Variants in SESTD1 observed in about 807,000 individuals in gnomAD.
The protein encoded by SESTD1 is SEC14 domain and spectrin repeat-containing protein 1.
SESTD1 carries 43 observed loss-of-function variants against 101.7 expected under a neutral mutation model. The observed-to-expected ratio is 0.42, with a 90% CI of 0.33 to 0.55. The LOEUF (loss-of-function observed/expected upper bound fraction) is 0.55, where lower values mean the gene tolerates loss of function less well. Among genes scored for constraint, SESTD1 ranks in the 20% least tolerant of loss-of-function variants. The probability of loss-of-function intolerance (pLI) is 0.07; values close to 1 mark genes in which losing one functional copy is unlikely to be tolerated. For synonymous variants in SESTD1, 283 were observed against 286.8 expected, an observed-to-expected ratio of 0.99 and a Z score of 0.13; for missense variants, 647 against 815.1, an observed-to-expected ratio of 0.79 and a Z score of 2.51.
intron 5 of SESTD1, among the ~76,000 whole-genome samples, chr2:179,152,720 T>C (rs1233828707): frequency 2.6e-5 from 4 of 152,180 alleles, no homozygotes; most frequent in East Asian, 1.9e-4. Flanking sequence ...GAAAAATTCA[T>C]AGAACTATGA....
Position 179,206,482 on chromosome 2 carries a change from TG to T in SESTD1, c.-25-14617del, listed in dbSNP as rs1249057348. ...GAAATATAAAAGGAGAAGCAGCAGC[TG>T]GAAGAGCCCTGTAGGCACTCCTGGT... On this transcript the variant is annotated intron_variant, in intron 1 of 17. Coordinates refer to ENST00000428443, the MANE Select transcript of SESTD1 (RefSeq NM_178123.5). Among the ~76,000 whole-genome samples, 2 of 135,476 alleles carry T rather than the reference TG, an allele frequency of 1.5e-5. 1 individual carries two copies. The highest frequency in any genetic ancestry group is 5.8e-5 in the African/African-American group (2 of 34,288). The allele number at this position is 135,476 out of a possible 152,430, so 88.9% of individuals were successfully genotyped here.
intron 3 of SESTD1, among the ~76,000 whole-genome samples, chr2:179,178,633 G>A (rs1222325215): frequency 6.6e-6 from 1 of 152,074 alleles, no homozygotes; most frequent in Admixed American, 6.6e-5. Context: ...AGCTAGGCAG[G>A]GTAGCTGGCT....
At chr2:179,175,157 A>G (rs1303338048) in intron 4 of SESTD1, among the ~76,000 whole-genome samples, 1 of 152,126 alleles carries the variant, frequency 6.6e-6, no homozygotes, top group Non-Finnish European at 1.5e-5. Context: ...AAAATCCTTG[A>G]GCCTCGTTGA....
chr2:179,128,643 C>T (rs900636439), intron 10 of SESTD1, among the ~76,000 whole-genome samples: 2 of 150,962 alleles, frequency 1.3e-5, no homozygotes, highest in African/African-American at 2.4e-5. Context: ...GCAGGAGAAT[C>T]GCTTGAACCT....
chr2:179,112,936 A>G, intron 16 of SESTD1, 91 bp from the exon 17 acceptor site: 1 of 1,452,964 alleles, frequency 6.9e-7, no homozygotes, highest in Non-Finnish European at 9.1e-7. Flanking sequence ...AAAAAGAGAG[A>G]AAAGAAAGAC....
intron 1 of SESTD1, among the ~76,000 whole-genome samples, chr2:179,261,787 G>A (rs1047682145): frequency 5.3e-5 from 8 of 152,056 alleles, no homozygotes; most frequent in Non-Finnish European, 1.0e-4. Context: ...ATGTAAAACA[G>A]TGCAGCAGCT....
chr2:179,242,466 C>T (rs2047168620), intron 1 of SESTD1, among the ~76,000 whole-genome samples: 1 of 150,154 alleles, frequency 6.7e-6, no homozygotes, highest in African/African-American at 2.4e-5. Flanking sequence ...AAAAACTATT[C>T]TAAAATTCAT....
At chr2:179,125,167 TC>T (rs1441004671) in intron 10 of SESTD1, among the ~76,000 whole-genome samples, 1 of 152,098 alleles carries the variant, frequency 6.6e-6, no homozygotes, top group Non-Finnish European at 1.5e-5. Context: ...TAAAAACGTG[TC>T]ATCATATACT....
chr2:179,179,949 C>T (rs1425669970), intron 3 of SESTD1, among the ~76,000 whole-genome samples: 2 of 152,154 alleles, frequency 1.3e-5, no homozygotes, highest in Admixed American at 6.6e-5. Flanking sequence ...CTTCAATGCT[C>T]GTTGATCAGA....
At chr2:179,166,157 G>A (rs138864573) in intron 5 of SESTD1, among the ~76,000 whole-genome samples, 21 of 152,232 alleles carry the variant, frequency 1.4e-4, no homozygotes, top group African/African-American at 5.1e-4. Flanking sequence ...CAGAACCCAT[G>A]GGAAGTATAG....
chr2:179,183,183 TTCC>T lies in SESTD1; in HGVS notation c.58_60del (p.Gly20del), dbSNP rs2105486646. 2 of 1,597,262 alleles carry T rather than the reference TTCC, an allele frequency of 1.3e-6. No individual in the cohort carries two copies. Among genetic ancestry groups the T allele is most frequent in the African/African-American group, 1.3e-5 (1 of 74,364 alleles). The stretch of plus-strand genomic sequence containing the variant: ...AAAATGAGGCCACTCCGTCTGTCTT[TTCC>T]TCCTATTAAAAAAGAGATTTAAATT... On this transcript the variant is annotated inframe_deletion and splice_region_variant, in exon 3 of 18. Transcript: ENST00000428443.
intron 9 of SESTD1, among the ~76,000 whole-genome samples, chr2:179,134,612 T>C (rs185975447): frequency 1.3e-5 from 2 of 152,248 alleles, no homozygotes; most frequent in East Asian, 3.9e-4. Context: ...TGTTTTTTTT[T>C]CTCTGTTTTA....
chr2:179,163,928 A>C (rs13404037), intron 5 of SESTD1, among the ~76,000 whole-genome samples: 16,934 of 152,182 alleles, frequency 0.11, 1,040 homozygotes, highest in South Asian at 0.24. Flanking sequence ...TGTAACTATA[A>C]TACTTATCCT....
intron 9 of SESTD1, among the ~76,000 whole-genome samples, chr2:179,135,901 G>C (rs1221325964): frequency 6.6e-6 from 1 of 152,204 alleles, no homozygotes; most frequent in Non-Finnish European, 1.5e-5. Flanking sequence ...TTTCAAAACT[G>C]TATTATCAGA....
intron 10 of SESTD1, among the ~76,000 whole-genome samples, chr2:179,131,149 G>T (rs1294024262): frequency 6.1e-5 from 9 of 148,140 alleles, no homozygotes; most frequent in African/African-American, 2.4e-4. Flanking sequence ...ACTGCTTTAG[G>T]GTATAGTAGT....
intron 1 of SESTD1, among the ~76,000 whole-genome samples, chr2:179,196,800 C>T (rs1466416852): frequency 1.8e-4 from 28 of 152,174 alleles, no homozygotes; most frequent in Admixed American, 1.8e-3. Context: ...CACCAAAAAC[C>T]CATCTGTACA....
intron 2 of SESTD1, among the ~76,000 whole-genome samples, chr2:179,187,411 G>C (rs1259749534): frequency 6.6e-6 from 1 of 152,176 alleles, no homozygotes; most frequent in Non-Finnish European, 1.5e-5. Flanking sequence ...GATCACTTGA[G>C]CCCAGGAGTT....
At chr2:179,253,656 T>C (rs768027899) in intron 1 of SESTD1, among the ~76,000 whole-genome samples, 1 of 152,208 alleles carries the variant, frequency 6.6e-6, no homozygotes, top group African/African-American at 2.4e-5. Flanking sequence ...GTATCGTTTG[T>C]ATAAAAAGGA....
At chr2:179,231,519 A>AT (rs201110781) in intron 1 of SESTD1, among the ~76,000 whole-genome samples, 4,142 of 151,868 alleles carry the variant, frequency 0.027, 75 homozygotes, top group Middle Eastern at 0.082. Context: ...AATATCCAAA[A>AT]AAAAAGAAAT....
Sources: gnomAD v4.1 joint callset for allele counts (sites outside exome capture counted in the v4.1 genomes callset) on GRCh38, gnomAD v4.1.1 for gene constraint, MANE v1.5 for transcripts, NCBI Gene and HGNC (gene_info 2026-07-23, HGNC 2026-07-21) for gene names.